Variants in FAT3 observed in about 807,000 individuals in gnomAD.
The protein encoded by FAT3 is protocadherin Fat 3.
A neutral mutation model predicts 310.2 loss-of-function variants in FAT3; 95 were observed. That is an observed-to-expected ratio of 0.31 (90% CI 0.26 to 0.36). The LOEUF (loss-of-function observed/expected upper bound fraction) is 0.36. FAT3 is among the 10% of genes least tolerant of loss of function. FAT3 has a pLI of 1.00. For synonymous variants in FAT3, 2,314 were observed against 2,192.9 expected, an observed-to-expected ratio of 1.06 and a Z score of -1.54; for missense variants, 5,408 against 5,715.6, an observed-to-expected ratio of 0.95 and a Z score of 1.74.
At chr11:92,289,500 TACACACACACACAC>T (rs10562084) in intron 1 of FAT3, among the ~76,000 whole-genome samples, 10 of 144,230 alleles carry the variant, frequency 6.9e-5, no homozygotes, top group South Asian at 2.3e-4. Context: ...CCATGATAGA[TACACACACACACAC>T]ACACACACAC....
chr11:92,400,875 G>A (rs1949998707), intron 2 of FAT3, among the ~76,000 whole-genome samples: 3 of 151,922 alleles, frequency 2.0e-5, no homozygotes, highest in African/African-American at 7.2e-5. Context: ...CTCACTAAGA[G>A]AATACCATAA....
intron 19 of FAT3, among the ~76,000 whole-genome samples, chr11:92,854,569 CAT>C (rs1217967131): frequency 6.6e-6 from 1 of 152,216 alleles, no homozygotes; most frequent in African/African-American, 2.4e-5. Flanking sequence ...AGGGCCAAAA[CAT>C]GTGAATAAAA....
intron 2 of FAT3, among the ~76,000 whole-genome samples, chr11:92,405,299 T>C (rs529370804): frequency 1.3e-5 from 2 of 152,252 alleles, no homozygotes; most frequent in Admixed American, 1.3e-4. Flanking sequence ...TCATGGAGGG[T>C]GCACCTGGGA....
At chr11:92,701,122 A>T (rs753385294) in intron 4 of FAT3, among the ~76,000 whole-genome samples, 22 of 152,112 alleles carry the variant, frequency 1.4e-4, no homozygotes, top group Non-Finnish European at 3.1e-4. Context: ...CTCCTCTTAA[A>T]CTCATATTAA....
chr11:92,839,001 C>G (rs915861822), intron 17 of FAT3, among the ~76,000 whole-genome samples: 4 of 152,192 alleles, frequency 2.6e-5, no homozygotes, highest in African/African-American at 9.7e-5. Flanking sequence ...AGAGTCCACA[C>G]CTTCCTCCAT....
chr11:92,345,266 G>T (rs1448002210), intron 1 of FAT3, among the ~76,000 whole-genome samples: 1 of 152,088 alleles, frequency 6.6e-6, no homozygotes. Flanking sequence ...ACCATTTCAA[G>T]GCTGTTTGTT....
At position 92,423,077 on chromosome 11, in the gene FAT3, A is replaced by G. The variant is rs954311812; in HGVS notation, c.3292+67673A>G. 4.6e-5 allele frequency among the ~76,000 whole-genome samples: 7 copies of G among 152,156 alleles called. No individual in the cohort carries two copies. In the South Asian group the frequency reaches 6.2e-4, roughly 14 times the overall value. The stretch of plus-strand genomic sequence containing the variant: ...TAAAAGCATTTCATTTATATTTAGG[A>G]GAAATAATAGCAAAGACTGTATGGA... On this transcript the variant is annotated intron_variant, in intron 2 of 27. Coordinates refer to ENST00000525166, the MANE Select transcript of FAT3 (RefSeq NM_001367949.2).
intron 3 of FAT3, among the ~76,000 whole-genome samples, chr11:92,526,813 A>G (rs1953883044): frequency 6.6e-6 from 1 of 152,172 alleles, no homozygotes; most frequent in Non-Finnish European, 1.5e-5. Context: ...TTTGCCAGGA[A>G]TGACATTTTT....
intron 1 of FAT3, among the ~76,000 whole-genome samples, chr11:92,311,201 C>G (rs1451103264): frequency 1.3e-5 from 2 of 151,978 alleles, no homozygotes. Context: ...AGAATCATTT[C>G]AAAAACAGAT....
intron 13 of FAT3, among the ~76,000 whole-genome samples, chr11:92,819,151 A>G (rs530769660): frequency 2.0e-4 from 31 of 152,328 alleles, no homozygotes; most frequent in African/African-American, 7.0e-4. Flanking sequence ...AGTTAGTTGC[A>G]GGGCTGCAGA....
rs886116737 is a variant in FAT3, at chr11:92,342,608, C to T, written c.-17-9488C>T. On this transcript the variant is annotated intron_variant, in intron 1 of 27. Transcript: ENST00000525166. ...TTTTTTCTGAACTACATTTTGCCCCCCGACTATTGGAATTAACACTATTTA... is the reference window on the plus strand; with the variant it reads ...TTTTTTCTGAACTACATTTTGCCCCTCGACTATTGGAATTAACACTATTTA... 1.4e-4 allele frequency among the ~76,000 whole-genome samples: 22 copies of T among 152,078 alleles called. 1 individual carries two copies. Among genetic ancestry groups the T allele is most frequent in the Admixed American group, 6.6e-5 (1 of 15,238 alleles).
intron 3 of FAT3, among the ~76,000 whole-genome samples, chr11:92,617,367 T>G (rs1440967603): frequency 1.3e-5 from 2 of 152,194 alleles, no homozygotes; most frequent in Non-Finnish European, 2.9e-5. Context: ...TTATTCTAGT[T>G]AGCCATTCGT....
At chr11:92,319,268 G>A (rs17596150) in intron 1 of FAT3, among the ~76,000 whole-genome samples, 11,197 of 152,136 alleles carry the variant, frequency 0.074, 569 homozygotes, top group African/African-American at 0.14. Context: ...CAAGTTGATC[G>A]GGATATAATT....
At chr11:92,590,499 A>C (rs150696417) in intron 3 of FAT3, among the ~76,000 whole-genome samples, 68 of 152,252 alleles carry the variant, frequency 4.5e-4, no homozygotes, top group African/African-American at 1.6e-3. Context: ...AATTATGTGA[A>C]AGGAAGAGGT....
chr11:92,817,361 T>C (rs1338609654), intron 13 of FAT3, among the ~76,000 whole-genome samples: 2 of 152,252 alleles, frequency 1.3e-5, no homozygotes, highest in African/African-American at 4.8e-5. Flanking sequence ...TCTTCCAGAA[T>C]ACTGCCTTTC....
chr11:92,658,572 A>G (rs986553681), intron 3 of FAT3, among the ~76,000 whole-genome samples: 4 of 152,166 alleles, frequency 2.6e-5, no homozygotes, highest in Non-Finnish European at 5.9e-5. Context: ...GAGTTCATCC[A>G]GTTTTTCAGA....
In FAT3 at chr11:92,843,980, G is replaced by C; in HGVS notation, c.10613G>C (p.Arg3538Pro). 1 of 1,613,404 alleles carries C rather than the reference G, an allele frequency of 6.2e-7. No homozygotes were observed. The highest frequency in any genetic ancestry group is 1.1e-5 in the South Asian group (1 of 91,038). ...CAGCAAGTTTCTCACACTTACATCC[G>C]CGTGCGAGTCATTGAGGAAAGCACC... ...KPQQVSHTYI[R>P]VRVIEESTHK... Residue 3538 changes from arginine (R) to proline (P), a missense_variant, in exon 19 of 28, where the codon CGC becomes CCC. Arg to Pro is a moderately radical substitution (Grantham distance 103, BLOSUM62 -2). Transcript: ENST00000525166.
In FAT3 at chr11:92,572,210, A is replaced by T. The variant is rs140719830; in HGVS notation, c.3607+47262A>T. ...AGACATTGAATGACAGCTCCAATTG[A>T]GTGATCTTACTGGGGGACCTATTAT... is the stretch of plus-strand genomic sequence containing the variant. On this transcript the variant is annotated intron_variant, in intron 3 of 27. Transcript: ENST00000525166. 6.4e-4 allele frequency among the ~76,000 whole-genome samples: 97 copies of T among 152,276 alleles called. No homozygotes were observed. The Middle Eastern group carries it at 0.01, about 16-fold the overall frequency.
intron 2 of FAT3, chr11:92,403,338 A>AT (rs1438828392): frequency 6.6e-6 from 1 of 152,006 alleles, no homozygotes; most frequent in Non-Finnish European, 1.5e-5. Flanking sequence ...TAATTCAAGG[A>AT]TTTTTCACTT....
Sources: allele counts gnomAD v4.1 joint callset (sites outside exome capture counted in the v4.1 genomes callset), GRCh38; gene constraint gnomAD v4.1.1; transcripts MANE v1.5; gene names NCBI Gene and HGNC (gene_info 2026-07-23, HGNC 2026-07-21).